CORIN: variants seen among roughly 807,000 people sequenced by gnomAD.
CORIN encodes atrial natriuretic peptide-converting enzyme.
In CORIN, 117 loss-of-function variants were observed where a neutral mutation model predicts 125.3. The observed-to-expected ratio is 0.93, with a 90% CI of 0.80 to 1.09. The LOEUF is 1.09. Among genes scored for constraint, CORIN ranks in the 50% least tolerant of loss-of-function variants. The pLI, the probability that CORIN is intolerant of heterozygous loss-of-function variation, is 0.00. For synonymous variants in CORIN, 450 were observed against 466.4 expected, an observed-to-expected ratio of 0.96 and a Z score of 0.45; for missense variants, 1,253 against 1,306.7, an observed-to-expected ratio of 0.96 and a Z score of 0.63.
chr4:47,669,535 T>TG (rs1383621812), intron 10 of CORIN, among the ~76,000 whole-genome samples: 1 of 151,308 alleles, frequency 6.6e-6, no homozygotes, highest in African/African-American at 2.4e-5. Context: ...ATCTCAACTG[T>TG]CTCACTTCCT....
At chr4:47,743,374 G>A (rs888914166) in intron 5 of CORIN, among the ~76,000 whole-genome samples, 3 of 152,076 alleles carry the variant, frequency 2.0e-5, no homozygotes, top group African/African-American at 7.2e-5. Context: ...ATAAACTGAA[G>A]ACAAAAAGAC....
At chr4:47,725,956 C>T (rs28837164) in intron 5 of CORIN, among the ~76,000 whole-genome samples, 1 of 152,034 alleles carries the variant, frequency 6.6e-6, no homozygotes, top group African/African-American at 2.4e-5. Flanking sequence ...GCAAAAGATA[C>T]GAACAGACAC....
chr4:47,750,818 C>T (rs990551034), intron 4 of CORIN, among the ~76,000 whole-genome samples: 7 of 152,268 alleles, frequency 4.6e-5, no homozygotes, highest in Admixed American at 2.6e-4. Flanking sequence ...ACTGTTGAAG[C>T]GGCCTCCCCT....
At chr4:47,792,773 G>A (rs1424135614) in intron 2 of CORIN, among the ~76,000 whole-genome samples, 1 of 152,174 alleles carries the variant, frequency 6.6e-6, no homozygotes, top group Non-Finnish European at 1.5e-5. Flanking sequence ...GCTGATGTAA[G>A]AGCCTTCAGA....
Position 47,744,560 on chromosome 4 carries a change from G to C in CORIN, c.641C>G (p.Ser214Cys). ...GCCTTCTTTTGCAGCCTCACAGAAGGACCTACAGGGCAGGAGTCCATGACT... is the reference window on the plus strand; with the variant it reads ...GCCTTCTTTTGCAGCCTCACAGAAGCACCTACAGGGCAGGAGTCCATGACT... ...DDSHGLLPCR[S>C]FCEAAKEGCE... is the part of the protein sequence containing the mutation. Residue 214 changes from serine (S) to cysteine (C), a missense_variant, in exon 5 of 22, where the codon TCC becomes TGC. By Grantham distance (112) the Ser-to-Cys change is moderately radical. Coordinates refer to ENST00000273857, the MANE Select transcript of CORIN (RefSeq NM_006587.4). 6.2e-7 allele frequency: 1 copy of C among 1,609,172 alleles called. No homozygotes were observed. The highest frequency in any genetic ancestry group is 8.5e-7 in the Non-Finnish European group (1 of 1,178,120).
chr4:47,770,137 A>C (rs1729956204), intron 3 of CORIN, among the ~76,000 whole-genome samples: 1 of 152,182 alleles, frequency 6.6e-6, no homozygotes, highest in Admixed American at 6.5e-5. Context: ...TCCAAAATAC[A>C]AAAGGAATTT....
At chr4:47,729,721 A>T (rs1413403928) in intron 5 of CORIN, among the ~76,000 whole-genome samples, 3 of 152,090 alleles carry the variant, frequency 2.0e-5, no homozygotes, top group Admixed American at 2.0e-4. Context: ...CTGTTTTCAC[A>T]CCCAAAAAGT....
chr4:47,631,159 A>AGCT (rs3053210), intron 16 of CORIN, among the ~76,000 whole-genome samples: 39,612 of 151,958 alleles, frequency 0.26, 5,367 homozygotes, highest in Admixed American at 0.36. Context: ...TCTACCCACT[A>AGCT]GCAAGTAAGA....
In CORIN at chr4:47,790,247, A is replaced by G. The variant is rs1055839047; in HGVS notation, c.209-3322T>C. The G allele has an allele frequency of 5.1e-6, 5 of 980,930 alleles. No individual in the cohort carries two copies. The African/African-American group carries it at 7.0e-5, about 14-fold the overall frequency. 60.8% of individuals were successfully genotyped at this position (980,930 alleles called of 1,614,324 possible). A position where few individuals can be genotyped will look rare whatever the true frequency, so the allele number is the denominator to read the frequency against. ...TCTTCATGGGGCTGGCTGTGGTGAG[A>G]CAGCCAAGTAAAAATGGCTCCCCGG... On this transcript the variant is annotated intron_variant, in intron 2 of 21. Coordinates refer to ENST00000273857, the MANE Select transcript of CORIN (RefSeq NM_006587.4).
chr4:47,806,214 C>A (rs1731789424), intron 2 of CORIN, among the ~76,000 whole-genome samples: 1 of 151,948 alleles, frequency 6.6e-6, no homozygotes, highest in South Asian at 2.1e-4. Flanking sequence ...CTCCTTAGAA[C>A]CTTGTTACCA....
chr4:47,751,790 C>T (rs529536945), intron 4 of CORIN, among the ~76,000 whole-genome samples: 10 of 152,238 alleles, frequency 6.6e-5, no homozygotes, highest in East Asian at 1.9e-4. Flanking sequence ...TATTCATTTG[C>T]GTAACCCAGC....
intron 1 of CORIN, 103 bp from the exon 2 acceptor site, chr4:47,807,150 T>C (rs966742213): frequency 2.3e-6 from 2 of 867,596 alleles, no homozygotes; most frequent in African/African-American, 3.4e-5. Context: ...TCCAAAAAGA[T>C]TTTACAGTTT....
At chr4:47,643,759 A>G (rs971921374) in intron 14 of CORIN, among the ~76,000 whole-genome samples, 1 of 151,970 alleles carries the variant, frequency 6.6e-6, no homozygotes, top group African/African-American at 2.4e-5. Context: ...CTTAACAACC[A>G]TTTCCTTTCT....
intron 20 of CORIN, among the ~76,000 whole-genome samples, chr4:47,603,148 T>A (rs1160150793): frequency 6.6e-6 from 1 of 152,136 alleles, no homozygotes; most frequent in African/African-American, 2.4e-5. Flanking sequence ...GTTACCCTCT[T>A]GATAGTGAGT....
At chr4:47,763,107 G>A (rs1729543854) in intron 4 of CORIN, among the ~76,000 whole-genome samples, 1 of 152,100 alleles carries the variant, frequency 6.6e-6, no homozygotes, top group African/African-American at 2.4e-5. Flanking sequence ...CCCTTTGAGT[G>A]TGTTGTCTGT....
intron 2 of CORIN, among the ~76,000 whole-genome samples, chr4:47,802,300 C>A (rs560188911): frequency 6.6e-6 from 1 of 152,296 alleles, no homozygotes; most frequent in Admixed American, 6.5e-5. Flanking sequence ...GGGCACCAAC[C>A]AGGCTCTTAG....
intron 12 of CORIN, among the ~76,000 whole-genome samples, chr4:47,661,046 C>T (rs1419478785): frequency 3.9e-5 from 6 of 152,126 alleles, no homozygotes; most frequent in Admixed American, 1.3e-4. Context: ...TAAAAGAAGA[C>T]GTCATTATGT....
chr4:47,752,293 G>C (rs77412986), intron 4 of CORIN, among the ~76,000 whole-genome samples: 1 of 152,016 alleles, frequency 6.6e-6, no homozygotes, highest in Admixed American at 6.6e-5. Context: ...ATCTCTCACC[G>C]GCATAACATA....
intron 5 of CORIN, among the ~76,000 whole-genome samples, chr4:47,718,796 A>G (rs576899736): frequency 9.2e-5 from 14 of 152,322 alleles, no homozygotes; most frequent in African/African-American, 3.4e-4. Flanking sequence ...GAAAAGTACT[A>G]AAGCAGAAGA....
Sources: gnomAD v4.1 joint callset for allele counts (sites outside exome capture counted in the v4.1 genomes callset) on GRCh38, gnomAD v4.1.1 for gene constraint, MANE v1.5 for transcripts, NCBI Gene and HGNC (gene_info 2026-07-23, HGNC 2026-07-21) for gene names.